RUNX2: variants seen among roughly 807,000 people sequenced by gnomAD.
RUNX2 encodes the protein RUNX family transcription factor 2, also known as runt-related transcription factor 2.
Under a neutral mutation model 51.7 loss-of-function variants are expected in RUNX2, and 10 were observed. That is an observed-to-expected ratio of 0.19 (90% CI 0.12 to 0.33). The LOEUF is 0.33. RUNX2 is among the 10% of genes least tolerant of loss of function. The pLI, the probability that RUNX2 is intolerant of heterozygous loss-of-function variation, is 1.00. For synonymous variants in RUNX2, 276 were observed against 273.6 expected (o/e 1.01, Z -0.09); for missense variants, 562 against 691.3 (o/e 0.81, Z 2.10).
chr6:45,499,790 C>T (rs962874499), intron 6 of RUNX2, among the ~76,000 whole-genome samples: 2 of 152,144 alleles, frequency 1.3e-5, no homozygotes, highest in Admixed American at 6.5e-5. Context: ...TATCCTTCTT[C>T]CCCCAAAACA....
chr6:45,375,433 G>A (rs1444172256), intron 2 of RUNX2, among the ~76,000 whole-genome samples: 1 of 152,086 alleles, frequency 6.6e-6, no homozygotes, highest in Non-Finnish European at 1.5e-5. Flanking sequence ...ACCCATAAAA[G>A]CACCCCATTC....
intron 2 of RUNX2, among the ~76,000 whole-genome samples, chr6:45,388,048 T>C (rs767267509): frequency 6.6e-6 from 1 of 152,180 alleles, no homozygotes; most frequent in Non-Finnish European, 1.5e-5. Context: ...CTTGAGGTTA[T>C]TTACAGGCTT....
intron 2 of RUNX2, among the ~76,000 whole-genome samples, chr6:45,406,550 G>T (rs1318845121): frequency 6.6e-6 from 1 of 152,140 alleles, no homozygotes; most frequent in African/African-American, 2.4e-5. Context: ...AAGTAGCTGG[G>T]ACTACAGGCA....
At chr6:45,434,216 A>G in intron 4 of RUNX2, among the ~76,000 whole-genome samples, 1 of 152,328 alleles carries the variant, frequency 6.6e-6, no homozygotes, top group South Asian at 2.1e-4. Flanking sequence ...AAAATGGGTC[A>G]GTTTTTCAGT....
chr6:45,506,805 T>A (rs1458690178), intron 6 of RUNX2, among the ~76,000 whole-genome samples: 2 of 152,074 alleles, frequency 1.3e-5, no homozygotes, highest in East Asian at 3.9e-4. Flanking sequence ...TGCACCCGGA[T>A]AATTTTTGTA....
At chr6:45,356,329 CAT>C (rs1793170028) in intron 2 of RUNX2, among the ~76,000 whole-genome samples, 1 of 152,014 alleles carries the variant, frequency 6.6e-6, no homozygotes, top group Non-Finnish European at 1.5e-5. Flanking sequence ...AACACACACA[CAT>C]ATACACACAT....
At chr6:45,449,227 A>G (rs1436991069) in intron 5 of RUNX2, among the ~76,000 whole-genome samples, 1 of 152,218 alleles carries the variant, frequency 6.6e-6, no homozygotes, top group Non-Finnish European at 1.5e-5. Context: ...TCATCTTTCA[A>G]ATGGAAATAG....
chr6:45,500,104 G>C (rs1359507393), intron 6 of RUNX2, among the ~76,000 whole-genome samples: 1 of 152,128 alleles, frequency 6.6e-6, no homozygotes, highest in Non-Finnish European at 1.5e-5. Flanking sequence ...AGAGGGGCAA[G>C]TTAGGCCTGC....
chr6:45,383,276 A>G (rs571732243), intron 2 of RUNX2, among the ~76,000 whole-genome samples: 6 of 152,140 alleles, frequency 3.9e-5, no homozygotes, highest in Non-Finnish European at 7.4e-5. Flanking sequence ...TACAAAAAAA[A>G]CACACAAAAA....
At chr6:45,522,378 G>T (rs56146601) in intron 7 of RUNX2, among the ~76,000 whole-genome samples, 15,678 of 151,874 alleles carry the variant, frequency 0.1, 997 homozygotes, top group Non-Finnish European at 0.15. Flanking sequence ...TTGTTCCTTT[G>T]CTCTATTATA....
chr6:45,365,080 T>G, intron 2 of RUNX2: 1 of 680,234 alleles, frequency 1.5e-6, no homozygotes, highest in Non-Finnish European at 2.2e-6. Context: ...GTATTTCATT[T>G]TTACTTGATT....
chr6:45,391,786 A>G (rs1797476901), intron 2 of RUNX2, among the ~76,000 whole-genome samples: 1 of 152,214 alleles, frequency 6.6e-6, no homozygotes. Flanking sequence ...AAACCGCCCC[A>G]TGATTCAATT....
intron 7 of RUNX2, among the ~76,000 whole-genome samples, chr6:45,533,845 G>C (rs150049797): frequency 6.7e-6 from 1 of 149,680 alleles, no homozygotes; most frequent in Non-Finnish European, 1.5e-5. Flanking sequence ...AATGTGCCCT[G>C]TGCCCTGTTT....
intron 5 of RUNX2, among the ~76,000 whole-genome samples, chr6:45,476,527 A>C (rs1449056463): frequency 1.3e-5 from 2 of 152,194 alleles, no homozygotes; most frequent in Admixed American, 1.3e-4. Context: ...ACACATACAG[A>C]GCCATTGTCT....
intron 2 of RUNX2, among the ~76,000 whole-genome samples, chr6:45,382,067 T>A (rs778901276): frequency 6.6e-6 from 1 of 152,298 alleles, no homozygotes; most frequent in East Asian, 1.9e-4. Context: ...AACCATGGAA[T>A]ACCAGAGTTT....
chr6:45,533,814 C>T (rs1245569301), intron 7 of RUNX2, among the ~76,000 whole-genome samples: 3 of 151,294 alleles, frequency 2.0e-5, no homozygotes, highest in Non-Finnish European at 2.9e-5. Context: ...TACCAGTCAT[C>T]ACTTTAAAAA....
chr6:45,485,716 T>TATATATATATATATACAC (rs1554394671), intron 5 of RUNX2, among the ~76,000 whole-genome samples: 6 of 126,438 alleles, frequency 4.7e-5, no homozygotes, highest in Non-Finnish European at 1.0e-4. Flanking sequence ...TATATATATA[T>TATATATATATATATACAC]ACACATATTT....
Position 45,370,199 on chromosome 6 carries a change from G to T in RUNX2, c.58+41415G>T, listed in dbSNP as rs112607097. Among the ~76,000 whole-genome samples, 1,378 of 152,320 alleles carry T rather than the reference G, an allele frequency of 9.0e-3. 14 individuals are homozygous for T. The highest frequency in any genetic ancestry group is 0.028 in the South Asian group (135 of 4,820). ...TGCAGACAAGAGATGACAGTGGGTTGAATTAGTTTAACAAGCGGAGATGAT... is the reference window on the plus strand; with the variant it reads ...TGCAGACAAGAGATGACAGTGGGTTTAATTAGTTTAACAAGCGGAGATGAT... On this transcript the variant is annotated intron_variant, in intron 2 of 8. Coordinates refer to ENST00000647337, the MANE Select transcript of RUNX2 (RefSeq NM_001024630.4).
At chr6:45,396,450 T>A (rs964398887) in intron 2 of RUNX2, among the ~76,000 whole-genome samples, 3 of 152,206 alleles carry the variant, frequency 2.0e-5, no homozygotes, top group Non-Finnish European at 2.9e-5. Context: ...CTAGTCTACT[T>A]TCTAGAGTTC....
Sources: gnomAD v4.1 joint callset for allele counts (sites outside exome capture counted in the v4.1 genomes callset) on GRCh38, gnomAD v4.1.1 for gene constraint, MANE v1.5 for transcripts, NCBI Gene and HGNC (gene_info 2026-07-23, HGNC 2026-07-21) for gene names.